Variants in HCAR1 observed in about 807,000 individuals in gnomAD.
HCAR1 encodes hydroxycarboxylic acid receptor 1.
For missense variants in HCAR1, 445 were observed against 448.7 expected (o/e 0.99, Z 0.07); for synonymous variants, 183 against 182.1 (o/e 1.01, Z -0.04).
chr12:122,730,038 C>T lies in HCAR1; in HGVS notation c.302G>A (p.Gly101Glu). Residue 101 changes from glycine to glutamate, a missense_variant, in exon 1 of 1, where the codon GGG becomes GAG. Physicochemically the swap from Gly to Glu is moderately conservative, Grantham distance 98. Coordinates refer to ENST00000432564, the MANE Select transcript of HCAR1 (RefSeq NM_032554.4). ...CACCACCGTAAGGAACACGATGCTC[C>T]CGGCCCTGTTCATGGCCAACGTGAA... is the stretch of plus-strand genomic sequence containing the variant. ...GLFTLAMNRAGSIVFLTVVAA... is the reference protein window; with the variant it reads ...GLFTLAMNRAESIVFLTVVAA... The T allele has an allele frequency of 6.2e-7, 1 of 1,614,120 alleles. No individual in the cohort carries two copies. The highest frequency in any genetic ancestry group is 1.1e-5 in the South Asian group (1 of 91,084).
rs746134682 is a variant in HCAR1 at position 122,729,927 on chromosome 12, G to C, written c.413C>G (p.Thr138Ser). ...STRVAAGIVCTLWALVILGTV... is the reference protein window; with the variant it reads ...STRVAAGIVCSLWALVILGTV... ...TCCCAGGATGACCAGGGCCCACAGG[G>C]TGCAGACGATGCCAGCCGCCACCCG... Residue 138 changes from threonine (T) to serine (S), a missense_variant, in exon 1 of 1, where the codon ACC becomes AGC. By Grantham distance (58) the Thr-to-Ser change is moderately conservative. Transcript: ENST00000432564. The C allele has an allele frequency of 8.1e-6, 13 of 1,613,214 alleles. No homozygotes were observed. Among genetic ancestry groups the C allele is most frequent in the Non-Finnish European group, 1.0e-5 (12 of 1,179,446 alleles).
chr12:122,726,926 A>ATATAT lies in HCAR1; in HGVS notation c.*2372_*2373insATATA, dbSNP rs1257961764. On this transcript the variant is annotated 3_prime_UTR_variant, in exon 1 of 1. Coordinates refer to ENST00000432564, the MANE Select transcript of HCAR1 (RefSeq NM_032554.4). ...AGACTCTGTCTCAAAAAAAAAAAAAAAAATATATATATATATAGATAGATA... is the reference window on the plus strand; with the variant it reads ...AGACTCTGTCTCAAAAAAAAAAAAAATATATAAATATATATATATATAGATAGATA... 5 of 111,120 alleles carry ATATAT rather than the reference A, an allele frequency of 4.5e-5. No homozygotes were observed. Among genetic ancestry groups the ATATAT allele is most frequent in the African/African-American group, 1.4e-4 (4 of 28,418 alleles). The allele number at this position is 111,120 out of a possible 1,614,324, so 6.9% of individuals were successfully genotyped here. A position where few individuals can be genotyped will look rare whatever the true frequency, so the allele number is the denominator to read the frequency against.
Position 122,726,896 on chromosome 12 carries a change from G to A in HCAR1, c.*2403C>T, listed in dbSNP as rs1383854174. 1 of 137,746 alleles carries A rather than the reference G, an allele frequency of 7.3e-6. No homozygotes were observed. Among genetic ancestry groups the A allele is most frequent in the Non-Finnish European group, 1.5e-5 (1 of 65,788 alleles). The allele number at this position is 137,746 out of a possible 1,614,324, so 8.5% of individuals were successfully genotyped here. The stretch of plus-strand genomic sequence containing the variant: ...CCACTGTACTCCAGCCTGGGTGATA[G>A]AGCAAGACTCTGTCTCAAAAAAAAA... On this transcript the variant is annotated 3_prime_UTR_variant, in exon 1 of 1. Coordinates refer to ENST00000432564, the MANE Select transcript of HCAR1 (RefSeq NM_032554.4).
Position 122,729,331 on chromosome 12 carries a change from G to A in HCAR1, c.1009C>T (p.Gln337Ter). The A allele has an allele frequency of 6.2e-7, 1 of 1,614,052 alleles. No individual in the cohort carries two copies. Among genetic ancestry groups the A allele is most frequent in the Non-Finnish European group, 8.5e-7 (1 of 1,180,000 alleles). Residue 337 changes from glutamine (Q) to a stop codon, truncating the protein, a stop_gained, in exon 1 of 1, where the codon CAA (glutamine) becomes TAA (stop). Transcript: ENST00000432564. LOFTEE classifies it low-confidence loss of function (END_TRUNC). ...ANSFQSQSDG[Q>*]WDPHIVEWH ...CACTCAACAATGTGGGGATCCCATTGCCCATCAGACTGGCTTTGGAAACTA... is the reference window on the plus strand; with the variant it reads ...CACTCAACAATGTGGGGATCCCATTACCCATCAGACTGGCTTTGGAAACTA...
At position 122,729,642 on chromosome 12, in the gene HCAR1, T is replaced by A. The variant is rs558552970; in HGVS notation, c.698A>T (p.Tyr233Phe). 1.6e-5 allele frequency: 26 copies of A among 1,614,000 alleles called. No homozygotes were observed. In the African/African-American group the frequency reaches 3.1e-4, roughly 19 times the overall value. The part of the protein sequence containing the change: ...MVVAIVFITC[Y>F]LPSVSARLYF... ...GAGTCTAGCAGACACGCTGGGCAGG[T>A]AGCATGTGATGAACACAATTGCCAC... Residue 233 changes from tyrosine (Y) to phenylalanine (F), a missense_variant, in exon 1 of 1, where the codon TAC becomes TTC. Physicochemically the swap from Tyr to Phe is conservative, Grantham distance 22. Transcript: ENST00000432564.
At position 122,729,270 on chromosome 12, in the gene HCAR1, ATCTT is replaced by A; in HGVS notation, c.*25_*28del. 1.3e-6 allele frequency: 2 copies of A among 1,597,220 alleles called. No homozygotes were observed. Among genetic ancestry groups the A allele is most frequent in the Non-Finnish European group, 1.7e-6 (2 of 1,168,424 alleles). On this transcript the variant is annotated 3_prime_UTR_variant, in exon 1 of 1. Coordinates refer to ENST00000432564, the MANE Select transcript of HCAR1 (RefSeq NM_032554.4). Reference sequence around the variant, plus strand: ...CGAGTTAATTCTAAGTCACCACTCTATCTTCCTCAGTGTTGTTGGTCTGCTTGTT... The same window carrying A: ...CGAGTTAATTCTAAGTCACCACTCTACCTCAGTGTTGTTGGTCTGCTTGTT...
rs376395828 is a variant in HCAR1, at chr12:122,729,987, A to G, written c.353T>C (p.Val118Ala). 25 of 1,613,832 alleles carry G rather than the reference A, an allele frequency of 1.5e-5. No homozygotes were observed. The highest frequency in any genetic ancestry group is 2.1e-5 in the Non-Finnish European group (25 of 1,180,018). Residue 118 changes from valine to alanine, a missense_variant, in exon 1 of 1, where the codon GTC (valine) becomes GCC (alanine). By Grantham distance (64) the Val-to-Ala change is moderately conservative (BLOSUM62 0). Transcript: ENST00000432564. ...AGTGTTCACCGCGTGGTGGGGGTGG[A>G]CCACTTTGAAATACCTGTCCGCAGC... The part of the protein sequence containing the change: ...VVAADRYFKV[V>A]HPHHAVNTIS...
chr12:122,729,915 A>T lies in HCAR1; in HGVS notation c.425T>A (p.Leu142Gln). The T allele has an allele frequency of 6.2e-7, 1 of 1,612,448 alleles. No homozygotes were observed. The highest frequency in any genetic ancestry group is 8.5e-7 in the Non-Finnish European group (1 of 1,178,812). Reference sequence around the variant, plus strand: ...AAGATACACTGTTCCCAGGATGACCAGGGCCCACAGGGTGCAGACGATGCC... The same window carrying T: ...AAGATACACTGTTCCCAGGATGACCTGGGCCCACAGGGTGCAGACGATGCC... The part of the protein sequence containing the change: ...AAGIVCTLWA[L>Q]VILGTVYLLL... The change falls in exon 1 of 1, where the codon CTG becomes CAG. Residue 142 changes from leucine to glutamine, a missense_variant. Coordinates refer to ENST00000432564, the MANE Select transcript of HCAR1 (RefSeq NM_032554.4).
Position 122,729,173 on chromosome 12 carries a change from A to G in HCAR1, c.*126T>C. Reference sequence around the variant, plus strand: ...ATTTCCGACAGAATGAGAAGGATGCAGTTCATGTGCGAGAAGCCGTCTTGC... The same window carrying G: ...ATTTCCGACAGAATGAGAAGGATGCGGTTCATGTGCGAGAAGCCGTCTTGC... On this transcript the variant is annotated 3_prime_UTR_variant, in exon 1 of 1. Coordinates refer to ENST00000432564, the MANE Select transcript of HCAR1 (RefSeq NM_032554.4). The G allele has an allele frequency of 1.3e-6, 1 of 766,110 alleles. No individual in the cohort carries two copies. The highest frequency in any genetic ancestry group is 2.6e-5 in the East Asian group (1 of 38,840). 47.5% of individuals were successfully genotyped at this position (766,110 alleles called of 1,614,324 possible).
At position 122,729,853 on chromosome 12, in the gene HCAR1, C is replaced by T. The variant is rs139197891; in HGVS notation, c.487G>A (p.Val163Ile). Residue 163 changes from valine (V) to isoleucine (I), a missense_variant, in exon 1 of 1, where the codon GTC becomes ATC. Physicochemically the swap from Val to Ile is conservative, Grantham distance 29 (BLOSUM62 3). Transcript: ENST00000432564. ...ENHLCVQETA[V>I]SCESFIMESA... ...TCCATGATGAAGCTCTCACAGGAGACGGCCGTCTCTTGCACGCAGAGATGG... is the reference window on the plus strand; with the variant it reads ...TCCATGATGAAGCTCTCACAGGAGATGGCCGTCTCTTGCACGCAGAGATGG... 2.7e-5 allele frequency: 43 copies of T among 1,610,486 alleles called. No homozygotes were observed. Among genetic ancestry groups the T allele is most frequent in the Middle Eastern group, 1.6e-4 (1 of 6,080 alleles).
chr12:122,730,814 C>T lies in HCAR1; in HGVS notation c.-475G>A, dbSNP rs1877931671. On this transcript the variant is annotated 5_prime_UTR_variant, in exon 1 of 1. Coordinates refer to ENST00000432564, the MANE Select transcript of HCAR1 (RefSeq NM_032554.4). ...GAAGGCAAGAAGAAAGCTTGTTTGT[C>T]CTCCCTCCTGGTGGAGAAATCCAAA... 6.5e-6 allele frequency: 1 copy of T among 153,498 alleles called. No individual in the cohort carries two copies. Among genetic ancestry groups the T allele is most frequent in the African/African-American group, 2.4e-5 (1 of 41,510 alleles). 9.5% of individuals were successfully genotyped at this position (153,498 alleles called of 1,614,324 possible).
Position 122,726,540 on chromosome 12 carries a change from C to T in HCAR1, c.*2759G>A, listed in dbSNP as rs1220704333. The T allele has an allele frequency of 6.6e-6, 1 of 152,108 alleles. No homozygotes were observed. Among genetic ancestry groups the T allele is most frequent in the Non-Finnish European group, 1.5e-5 (1 of 68,032 alleles). 9.4% of individuals were successfully genotyped at this position (152,108 alleles called of 1,614,324 possible). ...CAGGAATGTACATTCATTTAAACTG[C>T]CCAATGACACACTGAGGTTGTATTA... On this transcript the variant is annotated 3_prime_UTR_variant, in exon 1 of 1. Coordinates refer to ENST00000432564, the MANE Select transcript of HCAR1 (RefSeq NM_032554.4).
Position 122,729,512 on chromosome 12 carries a change from C to G in HCAR1, c.828G>C (p.Leu276=), listed in dbSNP as rs200446908. 6.2e-5 allele frequency: 100 copies of G among 1,614,028 alleles called. No homozygotes were observed. The East Asian group carries it at 2.2e-3, about 36-fold the overall frequency. Residue 276 remains leucine, a synonymous_variant, in exon 1 of 1, where the codon CTG becomes CTC. Coordinates refer to ENST00000432564, the MANE Select transcript of HCAR1 (RefSeq NM_032554.4). ...AGGAGGGGCTTGAAAAATAATACAC[C>G]AGGGGATCCAGCATGCTGTTCATGT... ...FTYMNSMLDP[L]VYYFSSPSFP...
At position 122,729,981 on chromosome 12, in the gene HCAR1, G is replaced by C; in HGVS notation, c.359C>G (p.Pro120Arg). 6.2e-7 allele frequency: 1 copy of C among 1,614,008 alleles called. No individual in the cohort carries two copies. Among genetic ancestry groups the C allele is most frequent in the East Asian group, 2.2e-5 (1 of 44,876 alleles). ...AADRYFKVVH[P>R]HHAVNTISTR... is the part of the protein sequence containing the mutation. Reference sequence around the variant, plus strand: ...GGAGATAGTGTTCACCGCGTGGTGGGGGTGGACCACTTTGAAATACCTGTC... The same window carrying C: ...GGAGATAGTGTTCACCGCGTGGTGGCGGTGGACCACTTTGAAATACCTGTC... The change falls in exon 1 of 1, where the codon CCC becomes CGC. Residue 120 changes from proline (P) to arginine (R), a missense_variant. By Grantham distance (103) the Pro-to-Arg change is moderately radical. Coordinates refer to ENST00000432564, the MANE Select transcript of HCAR1 (RefSeq NM_032554.4).
rs1187559911 is a variant in HCAR1 at position 122,729,476 on chromosome 12, G to A, written c.864C>T (p.Phe288=). The A allele has an allele frequency of 6.2e-7, 1 of 1,614,118 alleles. No individual in the cohort carries two copies. Among genetic ancestry groups the A allele is most frequent in the Admixed American group, 1.7e-5 (1 of 59,992 alleles). Residue 288 remains phenylalanine (F), a synonymous_variant, in exon 1 of 1, where the codon TTC becomes TTT. Coordinates refer to ENST00000432564, the MANE Select transcript of HCAR1 (RefSeq NM_032554.4). ...GACTGCAGATTTTGAGCTTGTTGTA[G>A]AATTTGGGAAAGGAGGGGCTTGAAA... The part of the protein sequence containing the change: ...YYFSSPSFPK[F]YNKLKICSLK...
rs1164531662 is a variant in HCAR1 at position 122,730,055 on chromosome 12, CA to C, written c.284del (p.Leu95TrpfsTer3). 1.5e-5 allele frequency: 24 copies of C among 1,614,030 alleles called. No homozygotes were observed. The highest frequency in any genetic ancestry group is 2.0e-5 in the Non-Finnish European group (24 of 1,180,044). On this transcript the variant is annotated frameshift_variant, in exon 1 of 1. Coordinates refer to ENST00000432564, the MANE Select transcript of HCAR1 (RefSeq NM_032554.4). LOFTEE classifies it low-confidence loss of function (END_TRUNC). Reference protein sequence around the residue: ...DIPCRVGLFTLAMNRAGSIVF... With the variant: ...DIPCRVGLFTXAMNRAGSIVF... ...CGATGCTCCCGGCCCTGTTCATGGC[CA>C]ACGTGAAGAGCCCCACTCGGCAGGG...
At position 122,730,179 on chromosome 12, in the gene HCAR1, A is replaced by G; in HGVS notation, c.161T>C (p.Leu54Pro). 6.2e-7 allele frequency: 1 copy of G among 1,614,218 alleles called. No homozygotes were observed. Among genetic ancestry groups the G allele is most frequent in the Non-Finnish European group, 8.5e-7 (1 of 1,180,032 alleles). The change falls in exon 1 of 1, where the codon CTT becomes CCT. Residue 54 changes from leucine (L) to proline (P), a missense_variant. Transcript: ENST00000432564. ...MKTWKPSTVYLFNLAVADFLL... is the reference protein window; with the variant it reads ...MKTWKPSTVYPFNLAVADFLL... Reference sequence around the variant, plus strand: ...GAAATCAGCCACGGCCAAATTGAAAAGGTAAACAGTGCTGGGCTTCCAGGT... The same window carrying G: ...GAAATCAGCCACGGCCAAATTGAAAGGGTAAACAGTGCTGGGCTTCCAGGT...
In HCAR1 at chr12:122,727,810, T is replaced by G. The variant is rs1455039998; in HGVS notation, c.*1489A>C. ...AAGTGGGTAGAGTATCCTGGGCATT[T>G]GAGAGAGTATAAATTAAGGAGTTGA... On this transcript the variant is annotated 3_prime_UTR_variant, in exon 1 of 1. Transcript: ENST00000432564. The G allele has an allele frequency of 6.6e-6, 1 of 152,150 alleles. No homozygotes were observed. The highest frequency in any genetic ancestry group is 1.9e-4 in the East Asian group (1 of 5,196). 9.4% of individuals were successfully genotyped at this position (152,150 alleles called of 1,614,324 possible).
chr12:122,729,775 G>T lies in HCAR1; in HGVS notation c.565C>A (p.Leu189Ile). ...IMFQLEFFMP[L>I]GIILFCSFKI... ...AAGGAGCAAAATAAGATGATGCCGA[G>T]GGGCATAAAGAACTCCAGCTGGAAC... The change falls in exon 1 of 1, where the codon CTC becomes ATC. Residue 189 changes from leucine (L) to isoleucine (I), a missense_variant. Physicochemically the swap from Leu to Ile is conservative, Grantham distance 5. Transcript: ENST00000432564. The T allele has an allele frequency of 6.2e-7, 1 of 1,611,574 alleles. No homozygotes were observed.
Sources: gnomAD v4.1 joint callset for allele counts on GRCh38, gnomAD v4.1.1 for gene constraint, MANE v1.5 for transcripts, NCBI Gene and HGNC (gene_info 2026-07-23, HGNC 2026-07-21) for gene names.